SLC4A4: variants seen among roughly 807,000 people sequenced by gnomAD.
The protein encoded by SLC4A4 is electrogenic sodium bicarbonate cotransporter 1.
In SLC4A4, 27 loss-of-function variants were observed where a neutral mutation model predicts 111.5. That is an observed-to-expected ratio of 0.24 (90% CI 0.18 to 0.33). The LOEUF is 0.33. Among genes scored for constraint, SLC4A4 ranks in the 10% least tolerant of loss-of-function variants. The probability of loss-of-function intolerance (pLI) is 1.00; values close to 1 mark genes in which losing one functional copy is unlikely to be tolerated. For synonymous variants in SLC4A4, 443 were observed against 463.4 expected (o/e 0.96, Z 0.57); for missense variants, 909 against 1,315.5 (o/e 0.69, Z 4.78).
chr4:71,248,245 G>GT (rs997145986), intron 2 of SLC4A4, among the ~76,000 whole-genome samples: 3 of 151,906 alleles, frequency 2.0e-5, no homozygotes, highest in Admixed American at 6.6e-5. Flanking sequence ...ACTGTGCTCT[G>GT]TTTTTTTCTC....
At chr4:71,567,138 A>G (rs762888081) in intron 25 of SLC4A4, 55 bp downstream of exon 25, 1 of 1,329,620 alleles carries the variant, frequency 7.5e-7, no homozygotes, top group Non-Finnish European at 1.1e-6. Context: ...CCCCACAGAA[A>G]TGTAGTTAAT....
intron 8 of SLC4A4, among the ~76,000 whole-genome samples, chr4:71,443,112 C>CTA (rs1378888099): frequency 3.7e-4 from 36 of 97,630 alleles, no homozygotes; most frequent in Non-Finnish European, 4.6e-4. Context: ...CTCTCTCTCT[C>CTA]TCTCTATATA....
intron 8 of SLC4A4, among the ~76,000 whole-genome samples, chr4:71,447,055 T>C (rs560493119): frequency 1.6e-4 from 25 of 152,264 alleles, no homozygotes; most frequent in Non-Finnish European, 3.1e-4. Flanking sequence ...TAATTTTGAC[T>C]GTCTGTGAAT....
chr4:71,460,760 C>G (rs1326085339), intron 12 of SLC4A4, among the ~76,000 whole-genome samples: 1 of 152,090 alleles, frequency 6.6e-6, no homozygotes, highest in African/African-American at 2.4e-5. Context: ...AGGTACATCT[C>G]ACATTTGGGG....
intron 16 of SLC4A4, among the ~76,000 whole-genome samples, chr4:71,526,056 T>A (rs1733389160): frequency 6.6e-6 from 1 of 152,066 alleles, no homozygotes; most frequent in Non-Finnish European, 1.5e-5. Flanking sequence ...TTTAGGGCAC[T>A]TTCTACTTCT....
chr4:71,269,320 T>C (rs1722526895), intron 3 of SLC4A4, among the ~76,000 whole-genome samples: 2 of 152,216 alleles, frequency 1.3e-5, no homozygotes, highest in African/African-American at 2.4e-5. Flanking sequence ...GTGTGTTGCC[T>C]TGGAAATGGA....
intron 3 of SLC4A4, among the ~76,000 whole-genome samples, chr4:71,263,395 A>G (rs72607827): frequency 0.16 from 24,166 of 152,152 alleles, 2,210 homozygotes; most frequent in East Asian, 0.33. Context: ...GATGTATGTC[A>G]TCTCTTCAGT....
chr4:71,551,804 C>T (rs957401393), intron 20 of SLC4A4, among the ~76,000 whole-genome samples: 1 of 151,904 alleles, frequency 6.6e-6, no homozygotes, highest in Non-Finnish European at 1.5e-5. Context: ...CTCATCATAC[C>T]TCATTCCAGT....
intron 2 of SLC4A4, among the ~76,000 whole-genome samples, chr4:71,100,372 T>C (rs1223244721): frequency 6.6e-6 from 1 of 151,338 alleles, no homozygotes; most frequent in East Asian, 1.9e-4. Flanking sequence ...ATTATCTCAA[T>C]AGATGCAGAA....
intron 3 of SLC4A4, chr4:71,300,960 G>T (rs968827604): frequency 7.8e-6 from 4 of 514,296 alleles, no homozygotes; most frequent in African/African-American, 7.7e-5. Flanking sequence ...ATAGATCAGG[G>T]CTGATCATGT....
intron 3 of SLC4A4, among the ~76,000 whole-genome samples, chr4:71,307,621 A>G (rs1282244509): frequency 6.6e-6 from 1 of 152,218 alleles, no homozygotes; most frequent in East Asian, 1.9e-4. Context: ...GAAATGCTAT[A>G]GTTAGATTTG....
At position 71,361,696 on chromosome 4, in the gene SLC4A4, T is replaced by C. The variant is rs1730806702; in HGVS notation, c.730+4509T>C. Reference sequence around the variant, plus strand: ...TTAAGTTGTCAGCAATTTCATATGATTCTACCTAATAATTTGGTCTGAGAT... The same window carrying C: ...TTAAGTTGTCAGCAATTTCATATGACTCTACCTAATAATTTGGTCTGAGAT... On this transcript the variant is annotated intron_variant, in intron 6 of 25. Transcript: ENST00000264485. Among the ~76,000 whole-genome samples, 3 of 152,254 alleles carry C rather than the reference T, an allele frequency of 2.0e-5. No homozygotes were observed. The South Asian group carries it at 6.2e-4, about 32-fold the overall frequency.
chr4:71,440,484 T>C (rs980045540), intron 7 of SLC4A4, 132 bp from the exon 8 acceptor site: 402 of 939,580 alleles, frequency 4.3e-4, no homozygotes, highest in Non-Finnish European at 6.0e-4. Flanking sequence ...ATGTTGCATG[T>C]CAATTTGTAA....
chr4:71,534,056 TC>T (rs1490279921), intron 17 of SLC4A4, among the ~76,000 whole-genome samples, 170 bp from the exon 18 acceptor site: 1 of 152,140 alleles, frequency 6.6e-6, no homozygotes, highest in Non-Finnish European at 1.5e-5. Flanking sequence ...AAAAATAACA[TC>T]CTTTGGGAGA....
intron 14 of SLC4A4, among the ~76,000 whole-genome samples, chr4:71,480,128 C>G (rs1728742359): frequency 2.0e-5 from 3 of 149,714 alleles, no homozygotes; most frequent in African/African-American, 7.4e-5. Flanking sequence ...CTCAAGTGAT[C>G]CTCCCACCTC....
At chr4:71,181,014 A>G (rs1578558278) in intron 2 of SLC4A4, among the ~76,000 whole-genome samples, 1 of 152,074 alleles carries the variant, frequency 6.6e-6, no homozygotes, top group Non-Finnish European at 1.5e-5. Flanking sequence ...GCATATATAT[A>G]CCATGGAATA....
At chr4:71,154,409 T>C (rs1744403108) in intron 2 of SLC4A4, among the ~76,000 whole-genome samples, 1 of 152,122 alleles carries the variant, frequency 6.6e-6, no homozygotes, top group African/African-American at 2.4e-5. Context: ...AAATGAGCTG[T>C]GTGGGATACA....
intron 1 of SLC4A4, among the ~76,000 whole-genome samples, chr4:71,199,949 C>A (rs570800490): frequency 6.9e-6 from 1 of 144,984 alleles, no homozygotes; most frequent in Non-Finnish European, 1.5e-5. Flanking sequence ...CTGTGTCCAG[C>A]CCACGAGTCT....
At chr4:71,418,888 C>G (rs182328934) in intron 7 of SLC4A4, among the ~76,000 whole-genome samples, 1 of 152,106 alleles carries the variant, frequency 6.6e-6, no homozygotes, top group Non-Finnish European at 1.5e-5. Flanking sequence ...TGTCCTTTCT[C>G]TTTGTTAGTT....
Sources: allele counts gnomAD v4.1 joint callset (sites outside exome capture counted in the v4.1 genomes callset), GRCh38; gene constraint gnomAD v4.1.1; transcripts MANE v1.5; gene names NCBI Gene and HGNC (gene_info 2026-07-23, HGNC 2026-07-21).